Variants in ATP2B3 observed in about 807,000 individuals in gnomAD.
ATP2B3 encodes the protein ATPase plasma membrane Ca2+ transporting 3.
ATP2B3 carries 12 observed loss-of-function variants against 70.8 expected under a neutral mutation model. The ratio of observed to expected loss-of-function variants is 0.17; its 90% CI spans 0.11 to 0.27. The LOEUF (loss-of-function observed/expected upper bound fraction) is 0.27, where lower values mean the gene tolerates loss of function less well. ATP2B3 is among the 10% of genes least tolerant of loss of function. The probability of loss-of-function intolerance (pLI) is 1.00; values close to 1 mark genes in which losing one functional copy is unlikely to be tolerated. For synonymous variants in ATP2B3, 460 were observed against 497.8 expected, an observed-to-expected ratio of 0.92 and a Z score of 1.01; for missense variants, 858 against 1,118.5, an observed-to-expected ratio of 0.77 and a Z score of 3.32.
At chrX:153,564,045 C>T (rs1265493073) in intron 20 of ATP2B3, among the ~76,000 whole-genome samples, 1 of 112,243 alleles carries the variant, frequency 8.9e-6, no homozygotes, top group Non-Finnish European at 1.9e-5. Flanking sequence ...TATGCGAAGC[C>T]ATGCCCTCTC....
chrX:153,559,626 G>C (rs2090593010), intron 17 of ATP2B3, 103 bp from the exon 18 acceptor site: 1 of 666,234 alleles, frequency 1.5e-6, no homozygotes, highest in African/African-American at 2.2e-5. Context: ...ATGAAATCCT[G>C]GTGATGTGGA....
At chrX:153,529,045 G>A (rs782168780) in intron 2 of ATP2B3, among the ~76,000 whole-genome samples, 4 of 112,478 alleles carry the variant, frequency 3.6e-5, no homozygotes, top group Non-Finnish European at 7.5e-5. Context: ...ACACCTCTGC[G>A]GATTCATTAA....
intron 2 of ATP2B3, among the ~76,000 whole-genome samples, chrX:153,520,264 C>T (rs782687593): frequency 8.9e-6 from 1 of 112,756 alleles, no homozygotes; most frequent in African/African-American, 3.2e-5. Context: ...TGGAAAGGGG[C>T]GCCTTGCCTG....
intron 2 of ATP2B3, among the ~76,000 whole-genome samples, chrX:153,520,253 G>A (rs1368105514): frequency 8.9e-6 from 1 of 112,833 alleles, no homozygotes; most frequent in African/African-American, 3.2e-5. Flanking sequence ...AGAATGTCTT[G>A]TGGAAAGGGG....
At chrX:153,548,942 G>T (rs2090412625) in intron 10 of ATP2B3, 88 bp downstream of exon 10, 1 of 917,680 alleles carries the variant, frequency 1.1e-6, no homozygotes, top group Non-Finnish European at 1.5e-6. Flanking sequence ...AGTATAAACT[G>T]GGGACGTTTG....
At chrX:153,547,479 G>T (rs1557009184) in intron 8 of ATP2B3, among the ~76,000 whole-genome samples, 1 of 111,299 alleles carries the variant, frequency 9.0e-6, no homozygotes. Flanking sequence ...GTCAGCTCAG[G>T]GTTCTGGAAG....
Position 153,582,804 on chromosome X carries a change from C to CA in ATP2B3, c.*2513dup, listed in dbSNP as rs1484170638. On this transcript the variant is annotated 3_prime_UTR_variant, in exon 22 of 22. Coordinates refer to ENST00000263519, the MANE Select transcript of ATP2B3 (RefSeq NM_001001344.3). ...TTTATCTGCCTGTTATAAAGATGAA[C>CA]AAAAAAACTTAATGAGAAAGATCAC... 3 of 111,794 alleles carry CA rather than the reference C, an allele frequency of 2.7e-5. No homozygotes were observed. The highest frequency in any genetic ancestry group is 5.7e-5 in the Non-Finnish European group (3 of 53,087). 9.2% of individuals were successfully genotyped at this position (111,794 alleles called of 1,213,427 possible). A position where few individuals can be genotyped will look rare whatever the true frequency, so the allele number is the denominator to read the frequency against.
At position 153,551,143 on chromosome X, in the gene ATP2B3, G is replaced by C. The variant is rs782336717; in HGVS notation, c.1823+857G>C. 5.0e-3 allele frequency among the ~76,000 whole-genome samples: 563 copies of C among 112,475 alleles called. 3 individuals carry two copies. Among genetic ancestry groups the C allele is most frequent in the African/African-American group, 0.017 (525 of 31,019 alleles). On this transcript the variant is annotated intron_variant, in intron 12 of 21. Coordinates refer to ENST00000263519, the MANE Select transcript of ATP2B3 (RefSeq NM_001001344.3). ...GCTGGGTCGTGGTGTCCACGAAACT[G>C]TTTTCCACAGGGGCAGCACCGTTTC... is the stretch of plus-strand genomic sequence containing the variant.
In ATP2B3 at chrX:153,582,691, T is replaced by G. The variant is rs782459851; in HGVS notation, c.*2393T>G. 5.3e-5 allele frequency: 6 copies of G among 112,839 alleles called. No individual in the cohort carries two copies. Among genetic ancestry groups the G allele is most frequent in the African/African-American group, 1.9e-4 (6 of 30,967 alleles). The allele number at this position is 112,839 out of a possible 1,213,427, so 9.3% of individuals were successfully genotyped here. A position where few individuals can be genotyped will look rare whatever the true frequency, so the allele number is the denominator to read the frequency against. ...GCAGTCTTCAAGGCTGGGGGCCCTG[T>G]CTCATTGGGAAGCCCCTCTTTATAA... On this transcript the variant is annotated 3_prime_UTR_variant, in exon 22 of 22. Transcript: ENST00000263519.
At chrX:153,518,069 C>T (rs1285333681) in intron 1 of ATP2B3, among the ~76,000 whole-genome samples, 194 bp downstream of exon 1, 1 of 111,298 alleles carries the variant, frequency 9.0e-6, no homozygotes, top group Non-Finnish European at 1.9e-5. Flanking sequence ...CCGCGCGTCA[C>T]CCCGGGGCCC....
chrX:153,531,591 C>A (rs979395136), intron 2 of ATP2B3, among the ~76,000 whole-genome samples: 2 of 112,841 alleles, frequency 1.8e-5, no homozygotes, highest in African/African-American at 6.4e-5. Flanking sequence ...CGTCCACCTC[C>A]TGCCCTCTGC....
intron 21 of ATP2B3, chrX:153,569,709 C>T (rs1557019324): frequency 2.5e-6 from 3 of 1,209,761 alleles, no homozygotes; most frequent in Non-Finnish European, 3.4e-6. Flanking sequence ...CTTTCTACCC[C>T]TACTCACGCA....
Position 153,547,899 on chromosome X carries a change from G to A in ATP2B3, c.1023G>A (p.Glu341=). Reference sequence around the variant, plus strand: ...CCCTGAAGAGCGCGGAGGGTGGGGAGATGGAGGAGCGGGAGAAGAAGAAAG... The same window carrying A: ...CCCTGAAGAGCGCGGAGGGTGGGGAAATGGAGGAGCGGGAGAAGAAGAAAG... ...MQPLKSAEGG[E]MEEREKKKAN... The change falls in exon 9 of 22, where the codon GAG becomes GAA. Residue 341 remains glutamate (E), a synonymous_variant. Transcript: ENST00000263519. The A allele has an allele frequency of 1.7e-6, 2 of 1,211,476 alleles. No homozygotes were observed. The highest frequency in any genetic ancestry group is 2.2e-6 in the Non-Finnish European group (2 of 895,232).
At chrX:153,576,288 C>A (rs1237238885) in intron 21 of ATP2B3, among the ~76,000 whole-genome samples, 2 of 110,806 alleles carry the variant, frequency 1.8e-5, no homozygotes, top group Admixed American at 9.5e-5. Flanking sequence ...ACCCCAGGGC[C>A]CCAGGCAGGA....
At chrX:153,570,678 G>A (rs1359109632) in intron 21 of ATP2B3, among the ~76,000 whole-genome samples, 7 of 110,977 alleles carry the variant, frequency 6.3e-5, no homozygotes, top group Admixed American at 1.9e-4. Flanking sequence ...GTAAACTTTC[G>A]CGCGTGGGCC....
intron 21 of ATP2B3, chrX:153,569,626 G>A: frequency 2.5e-6 from 3 of 1,211,621 alleles, no homozygotes; most frequent in African/African-American, 1.7e-5. Flanking sequence ...GTACCTTCAA[G>A]AGAAGCGGTT....
intron 16 of ATP2B3, among the ~76,000 whole-genome samples, chrX:153,557,252 A>G (rs1240035674): frequency 2.7e-5 from 3 of 112,050 alleles, no homozygotes; most frequent in Non-Finnish European, 5.7e-5. Context: ...AGTGGGCCCC[A>G]GACATACTGT....
chrX:153,528,891 C>T (rs2090072961), intron 2 of ATP2B3, among the ~76,000 whole-genome samples: 1 of 112,532 alleles, frequency 8.9e-6, no homozygotes, highest in Admixed American at 9.4e-5. Context: ...TGCTCATACC[C>T]AGTTGGCCAG....
At chrX:153,542,512 C>T in intron 6 of ATP2B3, 64 bp downstream of exon 6, 1 of 1,169,583 alleles carries the variant, frequency 8.6e-7, no homozygotes. Flanking sequence ...GGCCCAGCAT[C>T]CTGTCCAGGC....
Sources: gnomAD v4.1 joint callset for allele counts (sites outside exome capture counted in the v4.1 genomes callset) on GRCh38, gnomAD v4.1.1 for gene constraint, MANE v1.5 for transcripts, NCBI Gene and HGNC (gene_info 2026-07-23, HGNC 2026-07-21) for gene names.